The following DDX52 variants were observed in gnomAD, a reference collection of about 807,000 sequenced individuals.
DDX52 encodes the protein DExD-box helicase 52.
In DDX52, 59 loss-of-function variants were observed where a neutral mutation model predicts 76.1. That is an observed-to-expected ratio of 0.78 (90% CI 0.63 to 0.96). DDX52 has a LOEUF of 0.96. Among genes scored for constraint, DDX52 ranks in the 40% least tolerant of loss-of-function variants. DDX52 has a pLI of 0.00. For missense variants in DDX52, 707 were observed against 703.9 expected, an observed-to-expected ratio of 1.00 and a Z score of -0.05; for synonymous variants, 231 against 244.1, an observed-to-expected ratio of 0.95 and a Z score of 0.50.
intron 14 of DDX52, 27 bp from the exon 15 acceptor site, chr17:37,614,380 G>C (rs1416055615): frequency 6.3e-7 from 1 of 1,598,942 alleles, no homozygotes. Context: ...AAGAAAAATT[G>C]AATAAAAAAT....
chr17:37,620,991 G>C, intron 11 of DDX52, 43 bp from the exon 12 acceptor site: 1 of 1,567,340 alleles, frequency 6.4e-7, no homozygotes, highest in Non-Finnish European at 8.6e-7. Context: ...TTGGGGGGAA[G>C]GAGGCTCTCA....
intron 2 of DDX52, chr17:37,639,305 GAA>G (rs1383082539): frequency 5.3e-6 from 4 of 749,910 alleles, no homozygotes; most frequent in Non-Finnish European, 6.5e-6. Flanking sequence ...TACAAAAAGA[GAA>G]AAGTCTCATA....
At chr17:37,639,227 G>A (rs569823543) in intron 2 of DDX52, among the ~76,000 whole-genome samples, 1 of 152,266 alleles carries the variant, frequency 6.6e-6, no homozygotes, top group Admixed American at 6.5e-5. Flanking sequence ...AGAAGAAACA[G>A]AAGAACGTAA....
chr17:37,636,661 G>A (rs907283134), intron 2 of DDX52, among the ~76,000 whole-genome samples: 12 of 152,102 alleles, frequency 7.9e-5, no homozygotes, highest in African/African-American at 2.7e-4. Flanking sequence ...GTGAAGCTTC[G>A]GTAGAAGAAT....
chr17:37,636,174 T>G (rs1201117704), intron 2 of DDX52, among the ~76,000 whole-genome samples: 1 of 152,240 alleles, frequency 6.6e-6, no homozygotes, highest in African/African-American at 2.4e-5. Flanking sequence ...CCTTGACATA[T>G]CTCAAGGCCA....
chr17:37,614,362 AG>A lies in DDX52; in HGVS notation c.1743-10del. ...GACCAGTGACCTTTTTCCTGTAAAG[AG>A]CAAAGTAAGAAAAATTGAATAAAAA... On this transcript the variant is annotated splice_polypyrimidine_tract_variant and intron_variant, in intron 14 of 14. Transcript: ENST00000617633. 1.2e-6 allele frequency: 2 copies of A among 1,605,938 alleles called. No homozygotes were observed. Among genetic ancestry groups the A allele is most frequent in the Non-Finnish European group, 1.7e-6 (2 of 1,177,866 alleles).
In DDX52 at chr17:37,612,679, G is replaced by A. The variant is rs915741139; in HGVS notation, c.*1617C>T. ...GCTCCTTTATCTCTAACATTACATTGTAAGGGTAAGGACTGTGTTATCAAG... is the reference window on the plus strand; with the variant it reads ...GCTCCTTTATCTCTAACATTACATTATAAGGGTAAGGACTGTGTTATCAAG... On this transcript the variant is annotated 3_prime_UTR_variant, in exon 15 of 15. Coordinates refer to ENST00000617633, the MANE Select transcript of DDX52 (RefSeq NM_007010.5). 5.3e-5 allele frequency: 8 copies of A among 152,150 alleles called. No individual in the cohort carries two copies. Among genetic ancestry groups the A allele is most frequent in the African/African-American group, 1.7e-4 (7 of 41,408 alleles). 9.4% of individuals were successfully genotyped at this position (152,150 alleles called of 1,614,324 possible).
chr17:37,626,291 C>G (rs1035181865), intron 7 of DDX52, among the ~76,000 whole-genome samples, 193 bp from the exon 8 acceptor site: 6 of 151,980 alleles, frequency 3.9e-5, no homozygotes, highest in African/African-American at 1.4e-4. Flanking sequence ...CCACCCAAAT[C>G]TCATCTCGAA....
chr17:37,620,104 A>G (rs2147339557), intron 12 of DDX52: 1 of 374,128 alleles, frequency 2.7e-6, no homozygotes, highest in South Asian at 5.9e-5. Context: ...GGTAAACTCA[A>G]TCTTGGAGGA....
intron 2 of DDX52, among the ~76,000 whole-genome samples, chr17:37,639,928 A>G (rs182323927): frequency 6.6e-6 from 1 of 152,290 alleles, no homozygotes; most frequent in Admixed American, 6.5e-5. Context: ...CCTTGCAGCC[A>G]GGGAAGAATG....
chr17:37,643,344 G>C lies in DDX52; in HGVS notation c.77C>G (p.Ala26Gly). 7.4e-6 allele frequency: 12 copies of C among 1,613,844 alleles called. No individual in the cohort carries two copies. The highest frequency in any genetic ancestry group is 9.3e-6 in the Non-Finnish European group (11 of 1,179,800). Residue 26 changes from alanine to glycine, a missense_variant, in exon 1 of 15, where the codon GCT becomes GGT. By Grantham distance (60) the Ala-to-Gly change is moderately conservative. Coordinates refer to ENST00000617633, the MANE Select transcript of DDX52 (RefSeq NM_007010.5). ...CCTTGGGCACAGTACCTGGAATCGA[G>C]CTGCGTCTGCCGAGAAGCGTCTCGT... ...FDTRRFSADA[A>G]RFQIGKRKYD... is the part of the protein sequence containing the mutation.
intron 2 of DDX52, among the ~76,000 whole-genome samples, chr17:37,634,719 C>T (rs1337968196): frequency 1.3e-5 from 2 of 152,164 alleles, no homozygotes; most frequent in Non-Finnish European, 2.9e-5. Context: ...CTATGAAGAA[C>T]ACTAGCCAAT....
At chr17:37,617,497 G>A (rs1427347672) in intron 14 of DDX52, among the ~76,000 whole-genome samples, 1 of 152,196 alleles carries the variant, frequency 6.6e-6, no homozygotes, top group Non-Finnish European at 1.5e-5. Flanking sequence ...AAGGTAGCCT[G>A]TATGAATGCT....
Position 37,621,198 on chromosome 17 carries a change from T to A in DDX52, c.1430A>T (p.Asp477Val). The change falls in exon 11 of 15, where the codon GAT becomes GTT. Residue 477 changes from aspartate to valine, a missense_variant. Asp to Val is a radical substitution (Grantham distance 152, BLOSUM62 -3). Transcript: ENST00000617633. ...GATCACCAAGTTCACACCTTTAAAATCAATCCCTCTTGCTAGCAAGGCTGT... is the reference window on the plus strand; with the variant it reads ...GATCACCAAGTTCACACCTTTAAAAACAATCCCTCTTGCTAGCAAGGCTGT... ...ICTALLARGI[D>V]FKGVNLVINY... 1 of 1,614,064 alleles carries A rather than the reference T, an allele frequency of 6.2e-7. No homozygotes were observed. Among genetic ancestry groups the A allele is most frequent in the Non-Finnish European group, 8.5e-7 (1 of 1,179,976 alleles).
Position 37,626,832 on chromosome 17 carries a change from T to C in DDX52, c.888A>G (p.Leu296=). ...GGGGATCTTGCTTTAATAAATAGATTAGTCGATTTGGAGTAGTCACAAGAA... is the reference window on the plus strand; with the variant it reads ...GGGGATCTTGCTTTAATAAATAGATCAGTCGATTTGGAGTAGTCACAAGAA... ...FDILVTTPNR[L]IYLLKQDPPG... is the part of the protein sequence containing the mutation. The change falls in exon 7 of 15, where the codon CTA becomes CTG. Residue 296 remains leucine (L), a synonymous_variant. Coordinates refer to ENST00000617633, the MANE Select transcript of DDX52 (RefSeq NM_007010.5). The C allele has an allele frequency of 6.2e-7, 1 of 1,612,138 alleles. No individual in the cohort carries two copies. The highest frequency in any genetic ancestry group is 2.2e-5 in the East Asian group (1 of 44,790).
intron 9 of DDX52, among the ~76,000 whole-genome samples, chr17:37,622,297 T>A (rs867664532): frequency 8.6e-4 from 126 of 146,186 alleles, no homozygotes; most frequent in African/African-American, 3.0e-3. Flanking sequence ...TAGCCTTTTT[T>A]TTTCTTTTTT....
At chr17:37,619,895 A>G in intron 12 of DDX52, 56 bp from the exon 13 acceptor site, 1 of 1,553,246 alleles carries the variant, frequency 6.4e-7, no homozygotes, top group South Asian at 1.1e-5. Flanking sequence ...GATGTTTATG[A>G]ATGTAAACCC....
rs1431702373 is a variant in DDX52, at chr17:37,614,045, G to T, written c.*251C>A. The T allele has an allele frequency of 2.3e-5, 9 of 395,798 alleles. No homozygotes were observed. Among genetic ancestry groups the T allele is most frequent in the Non-Finnish European group, 4.0e-5 (9 of 223,858 alleles). The allele number at this position is 395,798 out of a possible 1,614,324, so 24.5% of individuals were successfully genotyped here. A position where few individuals can be genotyped will look rare whatever the true frequency, so the allele number is the denominator to read the frequency against. Reference sequence around the variant, plus strand: ...CAGGAGGCTAAGGCAGGAGGATTGTGTGAGGTCAGGAGTTCAAGACCAGCC... The same window carrying T: ...CAGGAGGCTAAGGCAGGAGGATTGTTTGAGGTCAGGAGTTCAAGACCAGCC... On this transcript the variant is annotated 3_prime_UTR_variant, in exon 15 of 15. Coordinates refer to ENST00000617633, the MANE Select transcript of DDX52 (RefSeq NM_007010.5).
At position 37,628,601 on chromosome 17, in the gene DDX52, C is replaced by T; in HGVS notation, c.819G>A (p.Val273=). 6.2e-7 allele frequency: 1 copy of T among 1,612,742 alleles called. No homozygotes were observed. The highest frequency in any genetic ancestry group is 1.7e-5 in the Admixed American group (1 of 59,862). Residue 273 remains valine, a synonymous_variant, in exon 6 of 15, where the codon GTG becomes GTA. Coordinates refer to ENST00000617633, the MANE Select transcript of DDX52 (RefSeq NM_007010.5). Reference sequence around the variant, plus strand: ...ATTTAGGTCCAAATTTCTTGGCTGCCACTGCTGCTTTGTGGATCATGTGTA... The same window carrying T: ...ATTTAGGTCCAAATTTCTTGGCTGCTACTGCTGCTTTGTGGATCATGTGTA... The part of the protein sequence containing the change: ...FRIHMIHKAA[V]AAKKFGPKSS...
Sources: allele counts gnomAD v4.1 joint callset (sites outside exome capture counted in the v4.1 genomes callset), GRCh38; gene constraint gnomAD v4.1.1; transcripts MANE v1.5; gene names NCBI Gene and HGNC (gene_info 2026-07-23, HGNC 2026-07-21).